The following ANKRD28 variants were observed in gnomAD, a reference collection of about 807,000 sequenced individuals.
The protein encoded by ANKRD28 is serine/threonine-protein phosphatase 6 regulatory ankyrin repeat subunit A.
ANKRD28 carries 44 observed loss-of-function variants against 126.5 expected under a neutral mutation model. The observed-to-expected ratio is 0.35, with a 90% confidence interval of 0.27 to 0.45. The LOEUF is 0.45. ANKRD28 is among the 20% of genes least tolerant of loss of function. The probability of loss-of-function intolerance (pLI) is 1.00; values close to 1 mark genes in which losing one functional copy is unlikely to be tolerated. For synonymous variants in ANKRD28, 442 were observed against 468.5 expected (o/e 0.94, Z 0.73); for missense variants, 1,110 against 1,316.6 (o/e 0.84, Z 2.43).
chr3:15,683,189 A>C (rs560850633), intron 21 of ANKRD28, among the ~76,000 whole-genome samples: 71 of 152,044 alleles, frequency 4.7e-4, no homozygotes, highest in Non-Finnish European at 8.7e-4. Context: ...ATCTTCAGGG[A>C]TATATTTTTT....
chr3:15,707,629 A>T (rs2126024101), intron 14 of ANKRD28, among the ~76,000 whole-genome samples: 1 of 152,328 alleles, frequency 6.6e-6, no homozygotes. Flanking sequence ...CTAAGAAGTC[A>T]GGTGGAAAAA....
chr3:15,745,692 G>A (rs1490206598), intron 4 of ANKRD28, among the ~76,000 whole-genome samples: 1 of 151,862 alleles, frequency 6.6e-6, no homozygotes, highest in African/African-American at 2.4e-5. Flanking sequence ...GGCTATGCAG[G>A]CTCCTTTTTG....
intron 3 of ANKRD28, among the ~76,000 whole-genome samples, chr3:15,764,915 A>G (rs1455244580): frequency 6.6e-6 from 1 of 152,224 alleles, no homozygotes; most frequent in African/African-American, 2.4e-5. Context: ...AATCTGATAT[A>G]GAAATAAGGT....
At chr3:15,760,318 G>A (rs938457657) in intron 3 of ANKRD28, among the ~76,000 whole-genome samples, 3 of 152,010 alleles carry the variant, frequency 2.0e-5, no homozygotes, top group Non-Finnish European at 4.4e-5. Flanking sequence ...ACACACCTGC[G>A]CATGTACTCC....
intron 1 of ANKRD28, among the ~76,000 whole-genome samples, chr3:15,823,076 C>T (rs2060978608): frequency 6.6e-6 from 1 of 152,214 alleles, no homozygotes; most frequent in Non-Finnish European, 1.5e-5. Context: ...AGTGGTCCCC[C>T]ACCTTGTTTT....
chr3:15,852,536 T>C (rs192411661), intron 1 of ANKRD28, among the ~76,000 whole-genome samples: 13 of 152,190 alleles, frequency 8.5e-5, no homozygotes, highest in Middle Eastern at 6.8e-3. Context: ...CCCTTACCAA[T>C]AAGAATGTCA....
intron 27 of ANKRD28, among the ~76,000 whole-genome samples, chr3:15,671,837 G>A (rs969642608): frequency 5.3e-5 from 8 of 151,472 alleles, no homozygotes; most frequent in African/African-American, 9.7e-5. Context: ...TGCCTGCCTC[G>A]GCCTCCCAAA....
At chr3:15,771,589 A>G (rs1362209146) in intron 2 of ANKRD28, among the ~76,000 whole-genome samples, 1 of 151,774 alleles carries the variant, frequency 6.6e-6, no homozygotes, top group Non-Finnish European at 1.5e-5. Context: ...GAAGTAGGAG[A>G]GCTAGAACTC....
intron 4 of ANKRD28, among the ~76,000 whole-genome samples, chr3:15,744,895 CCAA>C (rs1304950023): frequency 1.3e-5 from 2 of 152,142 alleles, no homozygotes; most frequent in Non-Finnish European, 2.9e-5. Context: ...TGCATCCACA[CCAA>C]CATCTATTAT....
intron 6 of ANKRD28, among the ~76,000 whole-genome samples, chr3:15,728,455 G>T (rs950806321): frequency 1.3e-5 from 2 of 152,034 alleles, no homozygotes; most frequent in Non-Finnish European, 2.9e-5. Flanking sequence ...CACCACACTG[G>T]GCTAATCTTT....
chr3:15,772,919 CA>C (rs1224508590), intron 2 of ANKRD28, among the ~76,000 whole-genome samples: 1 of 152,018 alleles, frequency 6.6e-6, no homozygotes, highest in African/African-American at 2.4e-5. Flanking sequence ...AAGGGTACAA[CA>C]AAAATCTACA....
chr3:15,723,746 G>A (rs2073958153), intron 7 of ANKRD28, among the ~76,000 whole-genome samples: 1 of 152,050 alleles, frequency 6.6e-6, no homozygotes, highest in Non-Finnish European at 1.5e-5. Flanking sequence ...ACTACAGCCT[G>A]GGAGACAGAG....
At chr3:15,772,960 G>A (rs1411318881) in intron 2 of ANKRD28, among the ~76,000 whole-genome samples, 1 of 152,106 alleles carries the variant, frequency 6.6e-6, no homozygotes, top group Non-Finnish European at 1.5e-5. Context: ...GTGAAAGAGT[G>A]AATGTTTTTT....
At chr3:15,693,454 G>T (rs921205896) in intron 17 of ANKRD28, among the ~76,000 whole-genome samples, 1 of 151,874 alleles carries the variant, frequency 6.6e-6, no homozygotes, top group African/African-American at 2.4e-5. Context: ...AATTTCTAAG[G>T]AAACAACATC....
At chr3:15,807,679 CATA>C (rs1214248023) in intron 1 of ANKRD28, among the ~76,000 whole-genome samples, 3 of 152,122 alleles carry the variant, frequency 2.0e-5, no homozygotes, top group Admixed American at 2.0e-4. Flanking sequence ...CAGTATAATG[CATA>C]ATCTAGAAAC....
rs545426345 is a variant in ANKRD28, at chr3:15,797,755, CCA to C, written c.-1236_-1235del. The C allele has an allele frequency of 2.3e-4, 229 of 985,370 alleles. 2 individuals carry two copies. In the East Asian group the frequency reaches 0.014, roughly 59 times the overall value. 61.0% of individuals were successfully genotyped at this position (985,370 alleles called of 1,614,324 possible). On this transcript the variant is annotated 5_prime_UTR_variant, in exon 1 of 28. Coordinates refer to ENST00000683139, the MANE Select transcript of ANKRD28 (RefSeq NM_001349278.2). The stretch of plus-strand genomic sequence containing the variant: ...TAGTTTCCTTCCACTGTGAAAACCG[CCA>C]CAGTTATCCTTTTCAGATTTCAAAT...
At chr3:15,749,093 A>ATT (rs1559466121) in intron 4 of ANKRD28, among the ~76,000 whole-genome samples, 17 of 57,790 alleles carry the variant, frequency 2.9e-4, no homozygotes, top group African/African-American at 9.3e-4. Flanking sequence ...ATTCTATATT[A>ATT]TGTTTTTGTT....
At chr3:15,809,882 G>C (rs982923972) in intron 1 of ANKRD28, among the ~76,000 whole-genome samples, 1 of 152,106 alleles carries the variant, frequency 6.6e-6, no homozygotes, top group Non-Finnish European at 1.5e-5. Context: ...ATATATCAAT[G>C]TGCTTGTTGC....
chr3:15,694,663 G>A, intron 17 of ANKRD28, 76 bp downstream of exon 17: 1 of 1,275,668 alleles, frequency 7.8e-7, no homozygotes, highest in Non-Finnish European at 1.1e-6. Context: ...GTACTAGTTT[G>A]AGTCAACACA....
Sources: allele counts gnomAD v4.1 joint callset (sites outside exome capture counted in the v4.1 genomes callset), GRCh38; gene constraint gnomAD v4.1.1; transcripts MANE v1.5; gene names NCBI Gene and HGNC (gene_info 2026-07-23, HGNC 2026-07-21).